The following RSBN1L variants were observed in gnomAD, a reference collection of about 807,000 sequenced individuals.
RSBN1L encodes round spermatid basic protein 1 like.
RSBN1L carries 30 observed loss-of-function variants against 67.7 expected under a neutral mutation model. That is an observed-to-expected ratio of 0.44 (90% CI 0.33 to 0.60). The LOEUF is 0.60. RSBN1L is among the 20% of genes least tolerant of loss of function. The probability of loss-of-function intolerance (pLI) is 0.02; values close to 1 mark genes in which losing one functional copy is unlikely to be tolerated. For synonymous variants in RSBN1L, 433 were observed against 387.0 expected (o/e 1.12, Z -1.39); for missense variants, 992 against 1,031.7 (o/e 0.96, Z 0.53).
At chr7:77,723,504 C>T (rs1346007763) in intron 1 of RSBN1L, among the ~76,000 whole-genome samples, 2 of 152,074 alleles carry the variant, frequency 1.3e-5, no homozygotes, top group African/African-American at 2.4e-5. Flanking sequence ...GGGTCTCACT[C>T]TTTGCCCAGA....
intron 1 of RSBN1L, among the ~76,000 whole-genome samples, chr7:77,712,652 T>C (rs2150413834): frequency 6.6e-6 from 1 of 152,356 alleles, no homozygotes; most frequent in East Asian, 1.9e-4. Context: ...TAGCAGTATA[T>C]TAGAAATACT....
intron 6 of RSBN1L, among the ~76,000 whole-genome samples, chr7:77,773,688 G>A (rs1791876289): frequency 6.6e-6 from 1 of 152,236 alleles, no homozygotes; most frequent in Admixed American, 6.5e-5. Flanking sequence ...GCTTGAACCC[G>A]GGAGGCTGAG....
chr7:77,702,278 T>A (rs1790828865), intron 1 of RSBN1L, among the ~76,000 whole-genome samples: 1 of 152,214 alleles, frequency 6.6e-6, no homozygotes. Context: ...GTTTAAGCCT[T>A]TAATAAGAAT....
At chr7:77,746,757 T>C (rs1231136029) in intron 2 of RSBN1L, among the ~76,000 whole-genome samples, 1 of 152,172 alleles carries the variant, frequency 6.6e-6, no homozygotes, top group Non-Finnish European at 1.5e-5. Context: ...GGTATAGGCA[T>C]TGAGTAAATA....
At chr7:77,736,170 T>G (rs1380015204) in intron 1 of RSBN1L, among the ~76,000 whole-genome samples, 1 of 152,124 alleles carries the variant, frequency 6.6e-6, no homozygotes, top group Non-Finnish European at 1.5e-5. Context: ...TGACACGAAG[T>G]GAAGAATACT....
At chr7:77,697,081 G>A (rs1475762505) in intron 1 of RSBN1L, 26 bp downstream of exon 1, 1 of 1,367,176 alleles carries the variant, frequency 7.3e-7, no homozygotes, top group South Asian at 1.7e-5. Context: ...GGAGGGGGAG[G>A]GGAGGGCGCC....
At chr7:77,714,019 G>T (rs981206536) in intron 1 of RSBN1L, among the ~76,000 whole-genome samples, 7 of 152,098 alleles carry the variant, frequency 4.6e-5, no homozygotes, top group Non-Finnish European at 1.0e-4. Flanking sequence ...TTTCCATAAA[G>T]ATGTAGAATG....
At chr7:77,746,606 TC>T (rs1239173165) in intron 2 of RSBN1L, among the ~76,000 whole-genome samples, 3 of 151,838 alleles carry the variant, frequency 2.0e-5, no homozygotes, top group African/African-American at 7.3e-5. Flanking sequence ...TTGCCAACAG[TC>T]CCCCCAAATC....
chr7:77,740,803 C>G (rs535917503), intron 2 of RSBN1L, among the ~76,000 whole-genome samples: 4 of 152,044 alleles, frequency 2.6e-5, no homozygotes, highest in South Asian at 2.1e-4. Context: ...GTGAGTGTCT[C>G]TCTCTGGCTC....
At chr7:77,711,117 A>G (rs1184620367) in intron 1 of RSBN1L, among the ~76,000 whole-genome samples, 1 of 152,206 alleles carries the variant, frequency 6.6e-6, no homozygotes, top group Non-Finnish European at 1.5e-5. Context: ...TGAAAACAGC[A>G]GAAGGGTGAT....
At chr7:77,737,952 A>G (rs1326186342) in intron 2 of RSBN1L, among the ~76,000 whole-genome samples, 1 of 151,716 alleles carries the variant, frequency 6.6e-6, no homozygotes, top group Non-Finnish European at 1.5e-5. Flanking sequence ...AACCCGGGAG[A>G]CAAGAGGTTG....
At chr7:77,753,938 A>G (rs73374135) in intron 3 of RSBN1L, among the ~76,000 whole-genome samples, 14,364 of 152,192 alleles carry the variant, frequency 0.094, 949 homozygotes, top group South Asian at 0.19. Flanking sequence ...TTGTAGTGTC[A>G]CCTTAAACCA....
intron 2 of RSBN1L, among the ~76,000 whole-genome samples, chr7:77,738,154 A>G (rs1196293645): frequency 6.6e-6 from 1 of 152,056 alleles, no homozygotes; most frequent in Non-Finnish European, 1.5e-5. Context: ...TGTAAATTCT[A>G]TTACTTGAGA....
chr7:77,720,859 A>G (rs2150416039), intron 1 of RSBN1L, among the ~76,000 whole-genome samples: 1 of 139,150 alleles, frequency 7.2e-6, no homozygotes, highest in Admixed American at 8.0e-5. Context: ...TCAGCCTCCC[A>G]GGTTCTCATC....
chr7:77,703,477 GTTTTTTTTTTTTTTTT>G (rs71529102), intron 1 of RSBN1L, among the ~76,000 whole-genome samples: 12 of 61,574 alleles, frequency 1.9e-4, no homozygotes, highest in Non-Finnish European at 2.5e-4. Flanking sequence ...TACTGTTTGG[GTTTTTTTTTTTTTTTT>G]TTTTTTTTTT....
At chr7:77,762,405 A>T (rs1791707461) in intron 3 of RSBN1L, among the ~76,000 whole-genome samples, 1 of 152,156 alleles carries the variant, frequency 6.6e-6, no homozygotes, top group South Asian at 2.1e-4. Context: ...TCAGTCTATT[A>T]TGTTAAACAT....
rs1791529555 is a variant in RSBN1L at position 77,749,736 on chromosome 7, G to A, written c.1016G>A (p.Arg339Lys). The change falls in exon 3 of 8, where the codon AGG (arginine) becomes AAG (lysine). Residue 339 changes from arginine to lysine, a missense_variant. By Grantham distance (26) the Arg-to-Lys change is conservative. This residue lies in a region of RSBN1L where 575 missense variants were observed against 483.2 expected (regional missense o/e 1.19). Coordinates refer to ENST00000334955, the MANE Select transcript of RSBN1L (RefSeq NM_198467.3). ...KEPRVQNNLK[R>K]LDTLEFKQLI... Reference sequence around the variant, plus strand: ...CCACGAGTTCAGAATAACCTCAAAAGGTTGGACACTTTGGAATTTAAACAA... The same window carrying A: ...CCACGAGTTCAGAATAACCTCAAAAAGTTGGACACTTTGGAATTTAAACAA... The A allele has an allele frequency of 6.2e-7, 1 of 1,614,188 alleles. No homozygotes were observed. The highest frequency in any genetic ancestry group is 1.6e-4 in the Middle Eastern group (1 of 6,062).
rs556780380 is a variant in RSBN1L at position 77,698,051 on chromosome 7, A to G, written c.586+996A>G. 2.6e-5 allele frequency among the ~76,000 whole-genome samples: 4 copies of G among 152,334 alleles called. No individual in the cohort carries two copies. In the South Asian group the frequency reaches 8.3e-4, roughly 32 times the overall value. On this transcript the variant is annotated intron_variant, in intron 1 of 7. Coordinates refer to ENST00000334955, the MANE Select transcript of RSBN1L (RefSeq NM_198467.3). ...ATAACTCTTTTTGTTTTTTAGAAAA[A>G]GAAATGTCAAGCAGTTTCAGCATTG...
At chr7:77,703,651 G>A (rs1790849549) in intron 1 of RSBN1L, among the ~76,000 whole-genome samples, 1 of 151,746 alleles carries the variant, frequency 6.6e-6, no homozygotes, top group African/African-American at 2.4e-5. Flanking sequence ...AACATGCCCA[G>A]CTAATTTTTG....
Sources: allele counts gnomAD v4.1 joint callset (sites outside exome capture counted in the v4.1 genomes callset), GRCh38; gene constraint gnomAD v4.1.1; regional missense constraint gnomAD v4.1.1; transcripts MANE v1.5; gene names NCBI Gene and HGNC (gene_info 2026-07-23, HGNC 2026-07-21).